Variants in ANOS1 observed in about 807,000 individuals in gnomAD.
ANOS1 encodes anosmin 1.
ANOS1 carries 6 observed loss-of-function variants against 59.0 expected under a neutral mutation model. The ratio of observed to expected loss-of-function variants is 0.10; its 90% CI spans 0.06 to 0.20. The LOEUF is 0.20. Among genes scored for constraint, ANOS1 ranks in the 10% least tolerant of loss-of-function variants. The probability of loss-of-function intolerance (pLI) is 1.00; values close to 1 mark genes in which losing one functional copy is unlikely to be tolerated. For missense variants in ANOS1, 433 were observed against 542.3 expected (o/e 0.80, Z 2.00); for synonymous variants, 217 against 223.4 (o/e 0.97, Z 0.25).
At chrX:8,710,359 C>T in intron 1 of ANOS1, among the ~76,000 whole-genome samples, 2 of 111,978 alleles carry the variant, frequency 1.8e-5, no homozygotes, top group Non-Finnish European at 3.8e-5. Context: ...AAAGTATTTT[C>T]ATCAATGGGC....
chrX:8,638,449 G>A (rs1447188753), intron 2 of ANOS1, among the ~76,000 whole-genome samples: 1 of 111,956 alleles, frequency 8.9e-6, no homozygotes, highest in Non-Finnish European at 1.9e-5. Flanking sequence ...TTAGGAGCAC[G>A]TGGATGCATC....
intron 3 of ANOS1, among the ~76,000 whole-genome samples, chrX:8,610,031 A>C (rs892272825): frequency 1.1e-5 from 1 of 89,988 alleles, no homozygotes; most frequent in African/African-American, 4.1e-5. Context: ...AAAAAAAAAA[A>C]AAAACAACAA....
At chrX:8,651,693 C>T (rs1602004593) in intron 2 of ANOS1, among the ~76,000 whole-genome samples, 1 of 112,126 alleles carries the variant, frequency 8.9e-6, no homozygotes, top group African/African-American at 3.2e-5. Context: ...GGAAATTGCT[C>T]GTACAAAACT....
chrX:8,539,692 C>T lies in ANOS1; in HGVS notation c.1421G>A (p.Gly474Glu), dbSNP rs751918319. The change falls in exon 10 of 14, where the codon GGA (glycine) becomes GAA (glutamate). Residue 474 changes from glycine to glutamate, a missense_variant. Transcript: ENST00000262648. ...PEACAHNRTT[G>E]SEASSGMTHE... is the part of the protein sequence containing the mutation. Reference sequence around the variant, plus strand: ...GGTCATGCCAGATGATGCCTCTGATCCGGTTGTTCTGTTGTGGGCACACGC... The same window carrying T: ...GGTCATGCCAGATGATGCCTCTGATTCGGTTGTTCTGTTGTGGGCACACGC... 8 of 1,211,526 alleles carry T rather than the reference C, an allele frequency of 6.6e-6. No individual in the cohort carries two copies. The highest frequency in any genetic ancestry group is 7.8e-6 in the Non-Finnish European group (7 of 895,518).
In ANOS1 at chrX:8,623,689, A is replaced by T. The variant is rs908029691; in HGVS notation, c.256-19T>A. 9.8e-6 allele frequency: 11 copies of T among 1,127,230 alleles called. No individual in the cohort carries two copies. The highest frequency in any genetic ancestry group is 1.3e-5 in the Non-Finnish European group (11 of 821,839). 92.9% of individuals were successfully genotyped at this position (1,127,230 alleles called of 1,213,427 possible). A position where few individuals can be genotyped will look rare whatever the true frequency, so the allele number is the denominator to read the frequency against. On this transcript the variant is annotated intron_variant, in intron 2 of 13. Coordinates refer to ENST00000262648, the MANE Select transcript of ANOS1 (RefSeq NM_000216.4). ...CCAGGCACTGGAAGAGAGGAACAAT[A>T]AAAATAAATAAAACATGGAAACAAA...
At position 8,532,672 on chromosome X, in the gene ANOS1, C is replaced by T; in HGVS notation, c.*323G>A. The T allele has an allele frequency of 5.4e-6, 1 of 186,356 alleles. No homozygotes were observed. The highest frequency in any genetic ancestry group is 1.0e-5 in the Non-Finnish European group (1 of 99,664). 15.4% of individuals were successfully genotyped at this position (186,356 alleles called of 1,213,427 possible). A position where few individuals can be genotyped will look rare whatever the true frequency, so the allele number is the denominator to read the frequency against. On this transcript the variant is annotated 3_prime_UTR_variant, in exon 14 of 14. Coordinates refer to ENST00000262648, the MANE Select transcript of ANOS1 (RefSeq NM_000216.4). ...CTTTTTGGGGCGGAGTTTGGTGCTCCAAATTCAGGGAAAACTGAGTTCTGT... is the reference window on the plus strand; with the variant it reads ...CTTTTTGGGGCGGAGTTTGGTGCTCTAAATTCAGGGAAAACTGAGTTCTGT...
intron 2 of ANOS1, among the ~76,000 whole-genome samples, chrX:8,667,876 G>C (rs781464374): frequency 5.4e-5 from 6 of 111,032 alleles, no homozygotes; most frequent in Non-Finnish European, 1.1e-4. Context: ...ATGAATTGTA[G>C]AGCCAGATGG....
At chrX:8,686,906 A>G (rs1932531364) in intron 2 of ANOS1, among the ~76,000 whole-genome samples, 1 of 111,928 alleles carries the variant, frequency 8.9e-6, no homozygotes, top group Admixed American at 9.5e-5. Context: ...GTGAGCCAAC[A>G]TCGCGCCACT....
intron 2 of ANOS1, among the ~76,000 whole-genome samples, chrX:8,662,548 C>T (rs997425751): frequency 8.9e-6 from 1 of 111,927 alleles, no homozygotes; most frequent in Non-Finnish European, 1.9e-5. Flanking sequence ...GGACTGTGTT[C>T]CCCCCAAAAT....
chrX:8,608,496 G>GA (rs199653624), intron 3 of ANOS1, among the ~76,000 whole-genome samples: 3 of 110,074 alleles, frequency 2.7e-5, no homozygotes, highest in African/African-American at 6.6e-5. Flanking sequence ...CAAGATACAA[G>GA]AAAAAAAAAT....
intron 3 of ANOS1, among the ~76,000 whole-genome samples, chrX:8,617,370 C>G (rs1931194734): frequency 1.8e-5 from 2 of 112,157 alleles, no homozygotes; most frequent in African/African-American, 6.5e-5. Context: ...ACAGGAGAGG[C>G]ATGTTAACCC....
intron 4 of ANOS1, among the ~76,000 whole-genome samples, chrX:8,590,530 A>G (rs1286657832): frequency 9.0e-6 from 1 of 111,676 alleles, no homozygotes; most frequent in East Asian, 2.8e-4. Flanking sequence ...TGTAACTGTC[A>G]AGACATGCAT....
At chrX:8,563,900 A>G (rs1481877045) in intron 8 of ANOS1, among the ~76,000 whole-genome samples, 1 of 112,026 alleles carries the variant, frequency 8.9e-6, no homozygotes, top group Non-Finnish European at 1.9e-5. Context: ...CGAGCTTTGT[A>G]AGTGGAGGGA....
intron 2 of ANOS1, among the ~76,000 whole-genome samples, chrX:8,637,471 A>G (rs1051408784): frequency 4.5e-5 from 5 of 111,934 alleles, no homozygotes; most frequent in African/African-American, 1.6e-4. Context: ...TGCAGAAAAA[A>G]GAAAAAAGGA....
intron 2 of ANOS1, among the ~76,000 whole-genome samples, chrX:8,627,897 C>T (rs1322105854): frequency 9.1e-6 from 1 of 109,531 alleles, no homozygotes; most frequent in African/African-American, 3.3e-5. Context: ...GGTGTTAGAA[C>T]CCAAAGGACT....
At chrX:8,706,041 T>C (rs1490208742) in intron 1 of ANOS1, among the ~76,000 whole-genome samples, 1 of 112,717 alleles carries the variant, frequency 8.9e-6, no homozygotes, top group East Asian at 2.8e-4. Flanking sequence ...TCCAAGTCTT[T>C]TCATTTCTAG....
In ANOS1 at chrX:8,536,808, C is replaced by T. The variant is rs762606358; in HGVS notation, c.1584G>A (p.Gly528=). 1.3e-5 allele frequency: 16 copies of T among 1,207,059 alleles called. No homozygotes were observed. The highest frequency in any genetic ancestry group is 1.6e-5 in the Non-Finnish European group (14 of 893,465). Residue 528 remains glycine, a synonymous_variant, in exon 11 of 14, where the codon GGG becomes GGA. Transcript: ENST00000262648. The part of the protein sequence containing the change: ...FTTPPCSALK[G]KSHKPVGCLG... Reference sequence around the variant, plus strand: ...GGCAGCCAACAGGCTTGTGGCTCTTCCCCTTAAGAGCAGAGCATGGTGGAG... The same window carrying T: ...GGCAGCCAACAGGCTTGTGGCTCTTTCCCTTAAGAGCAGAGCATGGTGGAG...
At chrX:8,576,481 C>CACACAT (rs1555894652) in intron 6 of ANOS1, among the ~76,000 whole-genome samples, 4 of 102,497 alleles carry the variant, frequency 3.9e-5, no homozygotes, top group African/African-American at 1.5e-4. Flanking sequence ...CACACACACA[C>CACACAT]ACACACACAT....
In ANOS1 at chrX:8,689,786, A is replaced by AAG. The variant is rs1156244850; in HGVS notation, c.255+9910_255+9911dup. The stretch of plus-strand genomic sequence containing the variant: ...CTTTAAAAAAAAAACAAAAAAAAAA[A>AAG]AGAGAGAGAGAGAGAAAGAGAGAGA... On this transcript the variant is annotated intron_variant, in intron 2 of 13. Coordinates refer to ENST00000262648, the MANE Select transcript of ANOS1 (RefSeq NM_000216.4). Among the ~76,000 whole-genome samples the AAG allele has an allele frequency of 3.2e-3, 354 of 109,574 alleles. 3 individuals are homozygous for AAG. Among genetic ancestry groups the AAG allele is most frequent in the Non-Finnish European group, 5.5e-3 (288 of 52,526 alleles).
Sources: gnomAD v4.1 joint callset for allele counts (sites outside exome capture counted in the v4.1 genomes callset) on GRCh38, gnomAD v4.1.1 for gene constraint, MANE v1.5 for transcripts, NCBI Gene and HGNC (gene_info 2026-07-23, HGNC 2026-07-21) for gene names.